Variants in AKAP12 observed in about 807,000 individuals in gnomAD.
AKAP12 encodes A-kinase anchor protein 12.
AKAP12 carries 32 observed loss-of-function variants against 79.9 expected under a neutral mutation model. That is an observed-to-expected ratio of 0.40 (90% CI 0.30 to 0.54). The LOEUF is 0.54. Ranked by LOEUF, AKAP12 falls within the 20% of genes least tolerant of loss-of-function variation. AKAP12 has a pLI of 0.48. For synonymous variants in AKAP12, 808 were observed against 857.0 expected (o/e 0.94, Z 1.00); for missense variants, 2,074 against 2,177.0 (o/e 0.95, Z 0.94).
At chr6:151,248,138 A>G (rs1425824083) in intron 2 of AKAP12, among the ~76,000 whole-genome samples, 3 of 152,104 alleles carry the variant, frequency 2.0e-5, no homozygotes, top group South Asian at 2.1e-4. Context: ...GAAGGATTAA[A>G]TTTTTCCTAA....
In AKAP12 at chr6:151,353,047, C is replaced by T; in HGVS notation, c.4656C>T (p.Asn1552=). The T allele has an allele frequency of 1.9e-6, 3 of 1,614,212 alleles. No individual in the cohort carries two copies. The highest frequency in any genetic ancestry group is 2.2e-5 in the East Asian group (1 of 44,878). Residue 1552 remains asparagine, a synonymous_variant, in exon 4 of 5, where the codon AAC becomes AAT. Transcript: ENST00000402676. ...LETKSSKLVQ[N]IIQTAVDQFV... is the part of the protein sequence containing the mutation. ...CCAAAAGCAGTAAACTTGTCCAAAACATCATCCAGACAGCCGTTGACCAGT... is the reference window on the plus strand; with the variant it reads ...CCAAAAGCAGTAAACTTGTCCAAAATATCATCCAGACAGCCGTTGACCAGT...
chr6:151,256,910 A>G (rs1005088216), intron 2 of AKAP12, among the ~76,000 whole-genome samples: 2 of 149,358 alleles, frequency 1.3e-5, no homozygotes, highest in South Asian at 2.1e-4. Flanking sequence ...CGGCCTCCCA[A>G]CGTGTTGGGA....
At chr6:151,335,798 G>C (rs1457063505) in intron 3 of AKAP12, among the ~76,000 whole-genome samples, 1 of 152,052 alleles carries the variant, frequency 6.6e-6, no homozygotes, top group African/African-American at 2.4e-5. Flanking sequence ...AGATTCAGGG[G>C]ATACATATAT....
intron 2 of AKAP12, among the ~76,000 whole-genome samples, chr6:151,246,415 C>CACAAAA (rs1797076079): frequency 1.3e-5 from 2 of 152,126 alleles, no homozygotes; most frequent in African/African-American, 4.8e-5. Context: ...AAGACTCCGT[C>CACAAAA]TCAAAAACAA....
intron 2 of AKAP12, among the ~76,000 whole-genome samples, chr6:151,302,737 C>T (rs1776888667): frequency 6.6e-6 from 1 of 151,994 alleles, no homozygotes; most frequent in African/African-American, 2.4e-5. Flanking sequence ...TTTAGTTTGC[C>T]ATATCATGAA....
chr6:151,258,112 A>G (rs1042539934), intron 2 of AKAP12, among the ~76,000 whole-genome samples: 6 of 152,234 alleles, frequency 3.9e-5, no homozygotes, highest in Admixed American at 3.9e-4. Flanking sequence ...AGACAATTGG[A>G]CTACTGTGGA....
chr6:151,243,644 G>C (rs1191808918), intron 2 of AKAP12, among the ~76,000 whole-genome samples: 2 of 152,048 alleles, frequency 1.3e-5, no homozygotes, highest in Non-Finnish European at 2.9e-5. Context: ...TTTTCCGTTA[G>C]ATCCAGAGAT....
chr6:151,255,939 G>GACCCAGATGAGCATGT (rs1180116351), intron 2 of AKAP12, among the ~76,000 whole-genome samples: 1 of 150,846 alleles, frequency 6.6e-6, no homozygotes, highest in East Asian at 1.9e-4. Context: ...CACTGCAGGG[G>GACCCAGATGAGCATGT]ACCCAGCTGA....
Position 151,349,921 on chromosome 6 carries a change from G to A in AKAP12, c.1530G>A (p.Lys510=), listed in dbSNP as rs145656478. ...VEMLSSQERM[K]VQGSPLKKLF... is the part of the protein sequence containing the mutation. Reference sequence around the variant, plus strand: ...TGCTGTCATCACAGGAGAGAATGAAGGTGCAGGGAAGTCCACTAAAGAAGC... The same window carrying A: ...TGCTGTCATCACAGGAGAGAATGAAAGTGCAGGGAAGTCCACTAAAGAAGC... Residue 510 remains lysine (K), a synonymous_variant, in exon 4 of 5, where the codon AAG becomes AAA. Transcript: ENST00000402676. 2.0e-5 allele frequency: 32 copies of A among 1,613,894 alleles called. No individual in the cohort carries two copies. In the African/African-American group the frequency reaches 3.6e-4, roughly 18 times the overall value.
chr6:151,330,420 G>A (rs144102966), intron 3 of AKAP12, among the ~76,000 whole-genome samples: 266 of 152,268 alleles, frequency 1.7e-3, no homozygotes, highest in African/African-American at 6.2e-3. Context: ...TTTAGAACAA[G>A]GGAGATTGGG....
intron 2 of AKAP12, among the ~76,000 whole-genome samples, chr6:151,285,910 G>A (rs1458325288): frequency 6.7e-6 from 1 of 148,460 alleles, no homozygotes; most frequent in Non-Finnish European, 1.5e-5. Flanking sequence ...GGAATTTTGC[G>A]CTTATCACCC....
chr6:151,325,603 G>C (rs1298787701), intron 3 of AKAP12: 1 of 1,352,272 alleles, frequency 7.4e-7, no homozygotes, highest in Non-Finnish European at 9.5e-7. Context: ...GCGCCAGCCC[G>C]CGTGTGGGTG....
At chr6:151,307,428 A>G (rs188585444) in intron 3 of AKAP12, among the ~76,000 whole-genome samples, 285 of 152,308 alleles carry the variant, frequency 1.9e-3, no homozygotes, top group Middle Eastern at 3.4e-3. Context: ...AGAAGGGAAA[A>G]GGGGCCAGAT....
chr6:151,348,680 T>TCCCCCCCCCCCCCCCCCCC, intron 3 of AKAP12, 31 bp from the exon 4 acceptor site: 1 of 355,202 alleles, frequency 2.8e-6, no homozygotes. Flanking sequence ...TTTTCTCTTC[T>TCCCCCCCCCCCCCCCCCCC]CCCCACCCCC....
At chr6:151,314,542 A>AT (rs1479205468) in intron 3 of AKAP12, among the ~76,000 whole-genome samples, 1 of 152,138 alleles carries the variant, frequency 6.6e-6, no homozygotes, top group Non-Finnish European at 1.5e-5. Flanking sequence ...GGACTATGTA[A>AT]TAGGGATTGG....
chr6:151,343,828 T>G, intron 3 of AKAP12: 1 of 368,920 alleles, frequency 2.7e-6, no homozygotes, highest in South Asian at 2.0e-5. Context: ...GAAATACACT[T>G]AAGGAAGCCT....
chr6:151,240,493 T>A lies in AKAP12; in HGVS notation c.-70T>A, dbSNP rs927053503. ...CTCGCGGGCGCGCGTCTTTTGGCTC[T>A]TGCCCCTGTCCCTGCGGCTTGGGGA... On this transcript the variant is annotated 5_prime_UTR_variant, in exon 2 of 5. It adds an upstream start codon to the 5' untranslated region. Transcript: ENST00000402676. 7.5e-7 allele frequency: 1 copy of A among 1,339,568 alleles called. No individual in the cohort carries two copies. Among genetic ancestry groups the A allele is most frequent in the East Asian group, 3.1e-5 (1 of 31,754 alleles). 83.0% of individuals were successfully genotyped at this position (1,339,568 alleles called of 1,614,324 possible).
chr6:151,352,625 G>A lies in AKAP12; in HGVS notation c.4234G>A (p.Val1412Ile), dbSNP rs569396619. The A allele has an allele frequency of 5.6e-6, 9 of 1,614,196 alleles. No homozygotes were observed. In the Admixed American group the frequency reaches 6.7e-5, roughly 12 times the overall value. The change falls in exon 4 of 5, where the codon GTT becomes ATT. Residue 1412 changes from valine (V) to isoleucine (I), a missense_variant. Around this residue, in one of 3 missense-constraint regions of AKAP12, gnomAD observed 614 missense variants for 665.6 expected, o/e 0.92. Coordinates refer to ENST00000402676, the MANE Select transcript of AKAP12 (RefSeq NM_005100.4). ...QEEAVCTKIQ[V>I]QSSEASFTLT... The stretch of plus-strand genomic sequence containing the variant: ...GGAGGCAGTATGCACCAAAATTCAA[G>A]TTCAGAGCTCTGAGGCATCATTCAC...
chr6:151,347,490 A>T (rs1778131014), intron 3 of AKAP12, among the ~76,000 whole-genome samples: 1 of 152,248 alleles, frequency 6.6e-6, no homozygotes, highest in Non-Finnish European at 1.5e-5. Context: ...CAGAAGATGC[A>T]CTACCTCGTT....
Sources: allele counts gnomAD v4.1 joint callset (sites outside exome capture counted in the v4.1 genomes callset), GRCh38; gene constraint gnomAD v4.1.1; regional missense constraint gnomAD v4.1.1; transcripts MANE v1.5; gene names NCBI Gene and HGNC (gene_info 2026-07-23, HGNC 2026-07-21).